WWOX: variants seen among roughly 807,000 people sequenced by gnomAD.
WWOX encodes WW domain-containing oxidoreductase.
WWOX carries 69 observed loss-of-function variants against 46.2 expected under a neutral mutation model. The observed-to-expected ratio is 1.49, with a 90% CI of 1.23 to 1.82. The LOEUF is 1.82. Ranked by LOEUF, WWOX falls within the 40% of genes most tolerant of loss-of-function variation. The probability of loss-of-function intolerance (pLI) is 0.00; values close to 1 mark genes in which losing one functional copy is unlikely to be tolerated. For synonymous variants in WWOX, 359 were observed against 202.6 expected, an observed-to-expected ratio of 1.77 and a Z score of -6.56; for missense variants, 919 against 542.6, an observed-to-expected ratio of 1.69 and a Z score of -6.89.
At chr16:78,380,644 A>G (rs1369556113) in intron 5 of WWOX, among the ~76,000 whole-genome samples, 1 of 152,144 alleles carries the variant, frequency 6.6e-6, no homozygotes, top group African/African-American at 2.4e-5. Context: ...CAATATAAGG[A>G]TCTAGAGTTA....
chr16:78,236,087 C>T (rs144360845), intron 5 of WWOX, among the ~76,000 whole-genome samples: 1 of 152,316 alleles, frequency 6.6e-6, no homozygotes, highest in African/African-American at 2.4e-5. Context: ...AGGCAGTGGG[C>T]CAGATTCAGC....
chr16:78,575,817 A>G (rs551842946), intron 8 of WWOX, among the ~76,000 whole-genome samples: 1 of 152,324 alleles, frequency 6.6e-6, no homozygotes, highest in African/African-American at 2.4e-5. Context: ...CTATACTTTC[A>G]GATGGAAAAT....
At chr16:79,197,784 A>G (rs748762080) in intron 8 of WWOX, among the ~76,000 whole-genome samples, 13 of 152,064 alleles carry the variant, frequency 8.5e-5, no homozygotes, top group Non-Finnish European at 1.3e-4. Flanking sequence ...GGTTCATCCC[A>G]CCATGACGAT....
intron 8 of WWOX, among the ~76,000 whole-genome samples, chr16:78,591,299 T>A (rs1188628946): frequency 4.6e-5 from 7 of 152,140 alleles, no homozygotes; most frequent in African/African-American, 1.7e-4. Flanking sequence ...TAGGCTGACA[T>A]CTCCTTGACC....
At chr16:78,756,722 A>ATT (rs2049658004) in intron 8 of WWOX, among the ~76,000 whole-genome samples, 2 of 152,180 alleles carry the variant, frequency 1.3e-5, no homozygotes, top group Non-Finnish European at 2.9e-5. Context: ...ATCTAATTTT[A>ATT]AGGTGGTGGA....
intron 8 of WWOX, among the ~76,000 whole-genome samples, chr16:78,460,234 T>A (rs1057188576): frequency 2.0e-5 from 3 of 151,986 alleles, no homozygotes; most frequent in African/African-American, 7.3e-5. Context: ...TTCAAGAGAT[T>A]CTTGTGCCTC....
At chr16:79,189,878 T>A (rs2051097672) in intron 8 of WWOX, among the ~76,000 whole-genome samples, 1 of 147,506 alleles carries the variant, frequency 6.8e-6, no homozygotes, top group African/African-American at 2.5e-5. Context: ...CCTTAAAAAC[T>A]TCCAGTGGTT....
At chr16:78,760,400 A>G (rs1345282381) in intron 8 of WWOX, among the ~76,000 whole-genome samples, 1 of 152,224 alleles carries the variant, frequency 6.6e-6, no homozygotes. Flanking sequence ...ATAGTTCCCC[A>G]TATCAAGGTC....
chr16:79,098,641 T>C (rs1277612448), intron 8 of WWOX, among the ~76,000 whole-genome samples: 1 of 152,222 alleles, frequency 6.6e-6, no homozygotes, highest in Non-Finnish European at 1.5e-5. Context: ...GGTTTCATAG[T>C]GAATTTTTCC....
At chr16:78,707,843 AAAT>A (rs1490587189) in intron 8 of WWOX, among the ~76,000 whole-genome samples, 26 of 14,788 alleles carry the variant, frequency 1.8e-3, no homozygotes, top group African/African-American at 5.0e-3. Flanking sequence ...TCAAAAATAT[AAAT>A]AAATAAATAA....
chr16:78,353,535 A>C (rs56032802), intron 5 of WWOX, among the ~76,000 whole-genome samples: 14 of 152,174 alleles, frequency 9.2e-5, no homozygotes, highest in African/African-American at 3.1e-4. Context: ...CAGGATTAGC[A>C]AGCCAAAGAC....
intron 8 of WWOX, among the ~76,000 whole-genome samples, chr16:78,936,487 G>C (rs1283397189): frequency 6.6e-6 from 1 of 152,136 alleles, no homozygotes; most frequent in Admixed American, 6.5e-5. Flanking sequence ...ATAAGTGCTT[G>C]CTAGCAAGCA....
chr16:78,495,142 G>GTTTTTT (rs1567605681), intron 8 of WWOX, among the ~76,000 whole-genome samples: 2 of 46,918 alleles, frequency 4.3e-5, no homozygotes, highest in East Asian at 9.4e-4. Context: ...AGACTGTTGT[G>GTTTTTT]TTCTTTTTTT....
intron 8 of WWOX, among the ~76,000 whole-genome samples, chr16:78,544,675 C>T (rs2043981789): frequency 6.6e-6 from 1 of 152,110 alleles, no homozygotes; most frequent in South Asian, 2.1e-4. Context: ...GAGTTTGAGA[C>T]CAGCCTGGGC....
intron 8 of WWOX, among the ~76,000 whole-genome samples, chr16:78,977,060 A>C (rs553665901): frequency 6.6e-6 from 1 of 152,312 alleles, no homozygotes; most frequent in African/African-American, 2.4e-5. Flanking sequence ...AGGCTCACGC[A>C]CACGTCAACA....
chr16:78,881,904 C>G (rs1035350700), intron 8 of WWOX, among the ~76,000 whole-genome samples: 4 of 152,150 alleles, frequency 2.6e-5, no homozygotes, highest in Admixed American at 6.5e-5. Context: ...AGGTGGATCA[C>G]TTGAGGTCAG....
At chr16:78,823,261 G>A (rs936315561) in intron 8 of WWOX, among the ~76,000 whole-genome samples, 1 of 152,240 alleles carries the variant, frequency 6.6e-6, no homozygotes, top group African/African-American at 2.4e-5. Context: ...GCAGATGTTT[G>A]CATTCTGCAG....
intron 6 of WWOX, among the ~76,000 whole-genome samples, chr16:78,414,423 G>A (rs1432616279): frequency 6.6e-6 from 1 of 152,126 alleles, no homozygotes; most frequent in South Asian, 2.1e-4. Flanking sequence ...ACAAAAATTA[G>A]CTGGGCATGG....
chr16:79,131,475 T>C (rs1165331162), intron 8 of WWOX, among the ~76,000 whole-genome samples: 2 of 152,190 alleles, frequency 1.3e-5, no homozygotes, highest in African/African-American at 2.4e-5. Flanking sequence ...ATGCAATTTA[T>C]GAAATGTTAA....
Sources: allele counts gnomAD v4.1 joint callset (sites outside exome capture counted in the v4.1 genomes callset), GRCh38; gene constraint gnomAD v4.1.1; transcripts MANE v1.5; gene names NCBI Gene and HGNC (gene_info 2026-07-23, HGNC 2026-07-21).